The following PRDM16 variants were observed in gnomAD, a reference collection of about 807,000 sequenced individuals.
PRDM16 encodes the protein histone-lysine N-methyltransferase PRDM16.
PRDM16 carries 23 observed loss-of-function variants against 110.6 expected under a neutral mutation model. The ratio of observed to expected loss-of-function variants is 0.21; its 90% confidence interval spans 0.15 to 0.29. The LOEUF (loss-of-function observed/expected upper bound fraction) is 0.29, where lower values mean the gene tolerates loss of function less well. Among genes scored for constraint, PRDM16 ranks in the 10% least tolerant of loss-of-function variants. PRDM16 has a pLI of 1.00. For synonymous variants in PRDM16, 799 were observed against 781.8 expected, an observed-to-expected ratio of 1.02 and a Z score of -0.37; for missense variants, 1,615 against 1,794.3, an observed-to-expected ratio of 0.90 and a Z score of 1.81.
intron 3 of PRDM16, among the ~76,000 whole-genome samples, chr1:3,380,327 G>A (rs1643081065): frequency 6.6e-6 from 1 of 152,010 alleles, no homozygotes; most frequent in Admixed American, 6.5e-5. Flanking sequence ...GGGCCCACCA[G>A]GCAGAGGGGA....
intron 1 of PRDM16, among the ~76,000 whole-genome samples, chr1:3,129,632 C>T (rs2100680543): frequency 6.6e-6 from 1 of 152,292 alleles, no homozygotes; most frequent in African/African-American, 2.4e-5. Flanking sequence ...GAAGCAGGTT[C>T]TCCCAGGTCC....
At chr1:3,174,020 C>G (rs991493510) in intron 1 of PRDM16, among the ~76,000 whole-genome samples, 1 of 152,214 alleles carries the variant, frequency 6.6e-6, no homozygotes, top group Non-Finnish European at 1.5e-5. Flanking sequence ...CGAAAGAGCA[C>G]AAACTGGATG....
At chr1:3,214,065 C>T (rs889675821) in intron 2 of PRDM16, among the ~76,000 whole-genome samples, 2 of 152,302 alleles carry the variant, frequency 1.3e-5, no homozygotes, top group East Asian at 1.9e-4. Context: ...CCCTTGTCTG[C>T]AGGATGCAGG....
In PRDM16 at chr1:3,412,150, C is replaced by A. The variant is rs780589589; in HGVS notation, c.1953C>A (p.Gly651=). ...CCGAGGGCCAGCCCAAGTTTGGGGG[C>A]GGCTTGGCGCCCCCGGGGGCCCCGA... ...KSAEGQPKFG[G]GLAPPGAPNS... is the part of the protein sequence containing the mutation. Residue 651 remains glycine (G), a synonymous_variant, in exon 9 of 17, where the codon GGC becomes GGA. Transcript: ENST00000270722. 3.5e-5 allele frequency: 54 copies of A among 1,559,962 alleles called. No homozygotes were observed. Among genetic ancestry groups the A allele is most frequent in the Non-Finnish European group, 4.2e-5 (49 of 1,153,882 alleles).
intron 3 of PRDM16, among the ~76,000 whole-genome samples, chr1:3,301,263 C>T (rs530705236): frequency 7.1e-6 from 1 of 141,710 alleles, no homozygotes; most frequent in East Asian, 2.1e-4. Flanking sequence ...TTCTGGAGGT[C>T]AAGGCTGCAG....
In PRDM16 at chr1:3,206,616, T is replaced by A. The variant is rs1213706360; in HGVS notation, c.387+20142T>A. On this transcript the variant is annotated intron_variant, in intron 2 of 16. Coordinates refer to ENST00000270722, the MANE Select transcript of PRDM16 (RefSeq NM_022114.4). This position sits in a 1 kb window ranked among gnomAD's most constrained non-coding sequence, Gnocchi z 4.9. ...CTGTGCACACACCCCTCCCGGCCCT[T>A]CCATGGAGGACCTGTAGGAACCCGT... 6.6e-6 allele frequency: 1 copy of A among 152,140 alleles called. No individual in the cohort carries two copies. Among genetic ancestry groups the A allele is most frequent in the South Asian group, 2.1e-4 (1 of 4,808 alleles). The allele number at this position is 152,140 out of a possible 1,614,324, so 9.4% of individuals were successfully genotyped here.
At chr1:3,240,977 C>G (rs1289919592) in intron 2 of PRDM16, among the ~76,000 whole-genome samples, 1 of 152,212 alleles carries the variant, frequency 6.6e-6, no homozygotes, top group African/African-American at 2.4e-5. Context: ...GCGCGGCGGC[C>G]GCTGCCAGCA....
chr1:3,407,774 G>T (rs1488108092), intron 8 of PRDM16, among the ~76,000 whole-genome samples: 1 of 152,208 alleles, frequency 6.6e-6, no homozygotes, highest in Non-Finnish European at 1.5e-5. Context: ...CCACCACACT[G>T]CAGGCTGCTC....
chr1:3,232,041 C>G (rs1260742353), intron 2 of PRDM16, among the ~76,000 whole-genome samples: 1 of 152,248 alleles, frequency 6.6e-6, no homozygotes, highest in Admixed American at 6.5e-5. Context: ...CTCTGCCTCC[C>G]GCTGCCTTCA....
chr1:3,098,158 G>C (rs1642449889), intron 1 of PRDM16, among the ~76,000 whole-genome samples: 1 of 152,156 alleles, frequency 6.6e-6, no homozygotes, highest in Non-Finnish European at 1.5e-5. Flanking sequence ...GGAATCCTCT[G>C]CAGGTGAGAA....
At chr1:3,139,376 AG>A (rs1320019128) in intron 1 of PRDM16, among the ~76,000 whole-genome samples, 2 of 152,186 alleles carry the variant, frequency 1.3e-5, no homozygotes, top group Non-Finnish European at 2.9e-5. Context: ...GCAGAGACTG[AG>A]GCTTAATAAC....
intron 1 of PRDM16, among the ~76,000 whole-genome samples, chr1:3,086,762 G>A (rs1199942524): frequency 6.6e-6 from 1 of 152,188 alleles, no homozygotes; most frequent in Non-Finnish European, 1.5e-5. Flanking sequence ...GTCTGCCGGG[G>A]CTTGCTGTCT....
intron 3 of PRDM16, among the ~76,000 whole-genome samples, chr1:3,279,219 C>T (rs915688142): frequency 1.1e-4 from 16 of 152,244 alleles, no homozygotes; most frequent in Non-Finnish European, 7.3e-5. Flanking sequence ...CCTGCCCAGG[C>T]GCAGGCCCTC....
intron 3 of PRDM16, among the ~76,000 whole-genome samples, chr1:3,279,479 G>T (rs759574776): frequency 6.6e-6 from 1 of 152,250 alleles, no homozygotes; most frequent in Non-Finnish European, 1.5e-5. Flanking sequence ...AGTCTGGGAC[G>T]CCCTGCACGC....
At chr1:3,111,237 C>T (rs1013069738) in intron 1 of PRDM16, among the ~76,000 whole-genome samples, 4 of 152,110 alleles carry the variant, frequency 2.6e-5, no homozygotes, top group East Asian at 3.9e-4. Flanking sequence ...CCCTGGGAGA[C>T]GCGGAGAGAA....
intron 1 of PRDM16, among the ~76,000 whole-genome samples, chr1:3,118,596 G>C (rs572002666): frequency 6.6e-6 from 1 of 152,242 alleles, no homozygotes; most frequent in Non-Finnish European, 1.5e-5. Context: ...GGGAGGCAAA[G>C]CCGGGAAAGA....
chr1:3,336,537 T>G (rs964104222), intron 3 of PRDM16, among the ~76,000 whole-genome samples: 16 of 151,814 alleles, frequency 1.1e-4, no homozygotes, highest in African/African-American at 3.6e-4. Context: ...GGTGTGAATC[T>G]GTGTGTGAGT....
At chr1:3,313,653 G>C (rs752644043) in intron 3 of PRDM16, among the ~76,000 whole-genome samples, 2 of 152,214 alleles carry the variant, frequency 1.3e-5, no homozygotes, top group Non-Finnish European at 2.9e-5. Flanking sequence ...CACTCACCCC[G>C]CCTGGGGGCC....
At chr1:3,394,712 C>T (rs1465642149) in intron 4 of PRDM16, among the ~76,000 whole-genome samples, 1 of 152,246 alleles carries the variant, frequency 6.6e-6, no homozygotes, top group Non-Finnish European at 1.5e-5. Context: ...TACAATGCCA[C>T]TCACGGCACC....
Sources: gnomAD v4.1 joint callset for allele counts (sites outside exome capture counted in the v4.1 genomes callset) on GRCh38, gnomAD v4.1.1 for gene constraint, Gnocchi (gnomAD v3.1) non-coding constraint, MANE v1.5 for transcripts, NCBI Gene and HGNC (gene_info 2026-07-23, HGNC 2026-07-21) for gene names.